The following MACROD2 variants were observed in gnomAD, a reference collection of about 807,000 sequenced individuals.
The protein encoded by MACROD2 is ADP-ribose glycohydrolase MACROD2.
A neutral mutation model predicts 70.4 loss-of-function variants in MACROD2; 36 were observed. The ratio of observed to expected loss-of-function variants is 0.51; its 90% CI spans 0.39 to 0.68. The LOEUF is 0.68. Among genes scored for constraint, MACROD2 ranks in the 30% least tolerant of loss-of-function variants. The probability of loss-of-function intolerance (pLI) is 0.00; values close to 1 mark genes in which losing one functional copy is unlikely to be tolerated. For synonymous variants in MACROD2, 172 were observed against 178.8 expected (o/e 0.96, Z 0.30); for missense variants, 496 against 538.4 (o/e 0.92, Z 0.78).
chr20:15,100,264 C>G (rs1194423814), intron 5 of MACROD2, among the ~76,000 whole-genome samples: 1 of 151,712 alleles, frequency 6.6e-6, no homozygotes, highest in Non-Finnish European at 1.5e-5. Context: ...GATTTTTTTT[C>G]TTTATGATAG....
At chr20:15,548,498 C>T (rs968627851) in intron 8 of MACROD2, among the ~76,000 whole-genome samples, 4 of 152,096 alleles carry the variant, frequency 2.6e-5, no homozygotes, top group East Asian at 1.9e-4. Flanking sequence ...AGGGTTCAAG[C>T]GATTCTTCTG....
At chr20:15,817,575 C>T (rs1029457568) in intron 8 of MACROD2, among the ~76,000 whole-genome samples, 2 of 152,194 alleles carry the variant, frequency 1.3e-5, no homozygotes, top group African/African-American at 4.8e-5. Flanking sequence ...CATTGTTCAC[C>T]ATGCCCGATA....
At chr20:15,682,987 A>C (rs1371404913) in intron 8 of MACROD2, among the ~76,000 whole-genome samples, 1 of 152,182 alleles carries the variant, frequency 6.6e-6, no homozygotes, top group Non-Finnish European at 1.5e-5. Flanking sequence ...TCCTGCTAAA[A>C]ATGACCCCAG....
chr20:14,003,186 C>G (rs79365916), intron 2 of MACROD2, among the ~76,000 whole-genome samples: 1 of 152,020 alleles, frequency 6.6e-6, no homozygotes, highest in East Asian at 1.9e-4. Context: ...GGTCTTAGAT[C>G]GATGGAACTA....
intron 10 of MACROD2, among the ~76,000 whole-genome samples, chr20:15,904,234 G>C (rs1443055840): frequency 6.6e-6 from 1 of 151,990 alleles, no homozygotes; most frequent in East Asian, 1.9e-4. Flanking sequence ...GCTGAGGCTG[G>C]TCTCGAACTT....
intron 7 of MACROD2, among the ~76,000 whole-genome samples, chr20:15,493,983 C>G (rs975564516): frequency 6.6e-6 from 1 of 152,186 alleles, no homozygotes; most frequent in Non-Finnish European, 1.5e-5. Context: ...TTTAAATTGT[C>G]TTGATGGTCT....
chr20:14,279,942 G>A (rs1198922771), intron 3 of MACROD2, among the ~76,000 whole-genome samples: 1 of 152,108 alleles, frequency 6.6e-6, no homozygotes, highest in African/African-American at 2.4e-5. Context: ...ATTAAGATTG[G>A]CTGTCAGAGG....
intron 5 of MACROD2, among the ~76,000 whole-genome samples, chr20:14,706,920 C>G (rs978204136): frequency 6.6e-6 from 1 of 152,084 alleles, no homozygotes; most frequent in Non-Finnish European, 1.5e-5. Context: ...TAAATAATAT[C>G]CTACATATGG....
chr20:15,117,486 A>G (rs2075999625), intron 5 of MACROD2, among the ~76,000 whole-genome samples: 1 of 152,066 alleles, frequency 6.6e-6, no homozygotes, highest in African/African-American at 2.4e-5. Context: ...TAAAAATGAA[A>G]TGAATCTTAG....
intron 2 of MACROD2, among the ~76,000 whole-genome samples, chr20:14,030,596 G>C (rs1308936150): frequency 2.0e-5 from 3 of 152,028 alleles, no homozygotes; most frequent in Non-Finnish European, 4.4e-5. Context: ...TTTTAGCAGA[G>C]ACAGAGTTTT....
chr20:15,154,739 G>C (rs143483135), intron 5 of MACROD2, among the ~76,000 whole-genome samples: 1 of 152,192 alleles, frequency 6.6e-6, no homozygotes, highest in African/African-American at 2.4e-5. Context: ...CTCAGGGCTC[G>C]ATCACTTCCC....
chr20:15,718,696 C>T (rs368998048), intron 8 of MACROD2, among the ~76,000 whole-genome samples: 7 of 152,242 alleles, frequency 4.6e-5, no homozygotes, highest in South Asian at 2.1e-4. Flanking sequence ...CAGAAGTCCA[C>T]GGATATTTCA....
At chr20:15,170,262 C>T (rs1285673091) in intron 5 of MACROD2, among the ~76,000 whole-genome samples, 4 of 152,078 alleles carry the variant, frequency 2.6e-5, no homozygotes, top group African/African-American at 9.7e-5. Flanking sequence ...AGAAAAACCA[C>T]ATGAATATTA....
intron 8 of MACROD2, among the ~76,000 whole-genome samples, chr20:15,675,214 T>C (rs1271319444): frequency 1.3e-5 from 2 of 152,230 alleles, no homozygotes; most frequent in Non-Finnish European, 2.9e-5. Context: ...AGTAACTAGT[T>C]CTGAAAACTA....
intron 7 of MACROD2, among the ~76,000 whole-genome samples, chr20:15,441,087 G>A (rs2046489261): frequency 6.6e-6 from 1 of 152,134 alleles, no homozygotes; most frequent in South Asian, 2.1e-4. Flanking sequence ...ACACTTTTGA[G>A]ACAGTGGAGA....
chr20:14,019,194 G>A (rs1027277033), intron 2 of MACROD2, among the ~76,000 whole-genome samples: 9 of 152,198 alleles, frequency 5.9e-5, no homozygotes, highest in African/African-American at 1.2e-4. Context: ...GAGACAGAGT[G>A]TAATACACGT....
At chr20:14,862,596 TATAAATATAA>T (rs1400128933) in intron 5 of MACROD2, among the ~76,000 whole-genome samples, 1 of 38,478 alleles carries the variant, frequency 2.6e-5, no homozygotes, top group Non-Finnish European at 4.3e-5. Flanking sequence ...TAAATATATA[TATAAATATAA>T]ATATATATAA....
At chr20:14,430,894 G>A (rs1301651593) in intron 3 of MACROD2, among the ~76,000 whole-genome samples, 2 of 152,104 alleles carry the variant, frequency 1.3e-5, no homozygotes, top group African/African-American at 4.8e-5. Flanking sequence ...AAACACGGAA[G>A]TCCAGCCAGA....
intron 9 of MACROD2, among the ~76,000 whole-genome samples, chr20:15,880,963 G>A (rs1315771843): frequency 6.6e-6 from 1 of 152,060 alleles, no homozygotes; most frequent in Non-Finnish European, 1.5e-5. Flanking sequence ...CTCTGACTGA[G>A]CTGGCTCTTG....
Sources: gnomAD v4.1 joint callset for allele counts (sites outside exome capture counted in the v4.1 genomes callset) on GRCh38, gnomAD v4.1.1 for gene constraint, MANE v1.5 for transcripts, NCBI Gene and HGNC (gene_info 2026-07-23, HGNC 2026-07-21) for gene names.